SPATA6: variants seen among roughly 807,000 people sequenced by gnomAD.
The protein encoded by SPATA6 is spermatogenesis-associated protein 6.
SPATA6 carries 56 observed loss-of-function variants against 65.3 expected under a neutral mutation model. The ratio of observed to expected loss-of-function variants is 0.86; its 90% confidence interval spans 0.69 to 1.07. The LOEUF (loss-of-function observed/expected upper bound fraction) is 1.07. SPATA6 is among the 50% of genes least tolerant of loss of function. The pLI, the probability that SPATA6 is intolerant of heterozygous loss-of-function variation, is 0.00. For synonymous variants in SPATA6, 199 were observed against 213.2 expected (o/e 0.93, Z 0.58); for missense variants, 590 against 594.8 (o/e 0.99, Z 0.08).
rs1647252411 is a variant in SPATA6, at chr1:48,371,270, T to TAGATAG, written c.910-11501_910-11500insCTATCT. ...TATCCATTCATTGAATATGTATCTA[T>TAGATAG]ATAGATAGATAGATAGATAGATAGA... On this transcript the variant is annotated intron_variant, in intron 9 of 12. Coordinates refer to ENST00000371847, the MANE Select transcript of SPATA6 (RefSeq NM_019073.4). 3.1e-3 allele frequency among the ~76,000 whole-genome samples: 414 copies of TAGATAG among 131,712 alleles called. 1 individual carries two copies. The highest frequency in any genetic ancestry group is 4.2e-3 in the East Asian group (18 of 4,268). 86.4% of individuals were successfully genotyped at this position (131,712 alleles called of 152,430 possible). A position where few individuals can be genotyped will look rare whatever the true frequency, so the allele number is the denominator to read the frequency against.
intron 1 of SPATA6, among the ~76,000 whole-genome samples, chr1:48,461,534 T>A (rs1182765792): frequency 6.6e-6 from 1 of 152,204 alleles, no homozygotes; most frequent in Admixed American, 6.5e-5. Context: ...AAGGAAGGGA[T>A]CCAGTTTCAG....
chr1:48,323,785 C>G (rs1461228138), intron 11 of SPATA6, among the ~76,000 whole-genome samples: 1 of 152,040 alleles, frequency 6.6e-6, no homozygotes, highest in Non-Finnish European at 1.5e-5. Flanking sequence ...ACACGTAAAA[C>G]TTACCAAGAT....
intron 11 of SPATA6, among the ~76,000 whole-genome samples, chr1:48,339,633 C>T (rs1371820653): frequency 3.3e-5 from 5 of 151,676 alleles, no homozygotes; most frequent in Non-Finnish European, 7.4e-5. Context: ...AATCAATTAC[C>T]TAATATAATA....
rs540456210 is a variant in SPATA6, at chr1:48,463,856, C to T, written c.51+8102G>A. Among the ~76,000 whole-genome samples the T allele has an allele frequency of 2.0e-5, 3 of 152,006 alleles. No homozygotes were observed. The South Asian group carries it at 6.2e-4, about 32-fold the overall frequency. On this transcript the variant is annotated intron_variant, in intron 1 of 12. Coordinates refer to ENST00000371847, the MANE Select transcript of SPATA6 (RefSeq NM_019073.4). ...AAAAGATCCTAAATAAAAAATTAGC[C>T]AACCAAATCCAGCAAAATAGAGTAA...
At chr1:48,470,114 G>A (rs1446337959) in intron 1 of SPATA6, among the ~76,000 whole-genome samples, 1 of 152,098 alleles carries the variant, frequency 6.6e-6, no homozygotes, top group Non-Finnish European at 1.5e-5. Context: ...ACAAAGCTCC[G>A]TTATACAGTG....
At chr1:48,318,434 T>A (rs1464587759) in intron 11 of SPATA6, among the ~76,000 whole-genome samples, 1 of 152,168 alleles carries the variant, frequency 6.6e-6, no homozygotes, top group East Asian at 1.9e-4. Context: ...GATTTCAGGA[T>A]TTAAGATTAA....
chr1:48,455,595 C>T (rs1014826177), intron 1 of SPATA6, among the ~76,000 whole-genome samples: 13 of 151,972 alleles, frequency 8.6e-5, no homozygotes, highest in South Asian at 4.2e-4. Context: ...TTAGCCAGGA[C>T]GGTCTCAATC....
chr1:48,462,068 A>G (rs1189181747), intron 1 of SPATA6, among the ~76,000 whole-genome samples: 4 of 152,152 alleles, frequency 2.6e-5, no homozygotes, highest in African/African-American at 9.7e-5. Context: ...ATTGGAAATC[A>G]TCATTCTCAG....
In SPATA6 at chr1:48,299,516, G is replaced by GAAAAAAAAAAAAAAAAAAAAA. The variant is rs58072004; in HGVS notation, c.1287-644_1287-624dup. On this transcript the variant is annotated intron_variant, in intron 12 of 12. Transcript: ENST00000371847. ...ACAACAAGAGCAAAACTCCGTCTCG[G>GAAAAAAAAAAAAAAAAAAAAA]AAAAAAAAAAAAAAAAAAAAAGAAT... Among the ~76,000 whole-genome samples the GAAAAAAAAAAAAAAAAAAAAA allele has an allele frequency of 1.1e-3, 41 of 38,198 alleles. 6 individuals are homozygous for GAAAAAAAAAAAAAAAAAAAAA. Among genetic ancestry groups the GAAAAAAAAAAAAAAAAAAAAA allele is most frequent in the Non-Finnish European group, 1.5e-3 (31 of 21,048 alleles). 25.1% of individuals were successfully genotyped at this position (38,198 alleles called of 152,430 possible).
At chr1:48,265,165 T>A in the SPATA6 span, among the ~76,000 whole-genome samples, 1 of 152,194 alleles carries the variant, frequency 6.6e-6, no homozygotes, top group Admixed American at 6.5e-5. Flanking sequence ...TTCCTTCATA[T>A]ATTTACTTAT....
Position 48,403,544 on chromosome 1 carries a change from A to G in SPATA6, c.486+258T>C, listed in dbSNP as rs752981896. Among the ~76,000 whole-genome samples the G allele has an allele frequency of 1.1e-4, 17 of 152,306 alleles. 1 individual carries two copies. The Middle Eastern group carries it at 0.01, about 91-fold the overall frequency. On this transcript the variant is annotated intron_variant, in intron 6 of 12. Coordinates refer to ENST00000371847, the MANE Select transcript of SPATA6 (RefSeq NM_019073.4). ...GCTTGATTTCTGTGCGCTAAAATCA[A>G]AAAGTCCAAGAAGTAAAAAAATAGT...
At chr1:48,313,331 C>A (rs1645285685) in intron 11 of SPATA6, among the ~76,000 whole-genome samples, 1 of 152,190 alleles carries the variant, frequency 6.6e-6, no homozygotes, top group Admixed American at 6.5e-5. Context: ...GCCCATCAGA[C>A]TAACAGCTGA....
At chr1:48,261,568 G>C in the SPATA6 span, among the ~76,000 whole-genome samples, 1 of 151,738 alleles carries the variant, frequency 6.6e-6, no homozygotes, top group Non-Finnish European at 1.5e-5. Context: ...TTCATCTCTC[G>C]ACTTTACCTA....
intron 3 of SPATA6, among the ~76,000 whole-genome samples, chr1:48,429,768 A>G (rs1439992554): frequency 6.6e-6 from 1 of 152,166 alleles, no homozygotes; most frequent in African/African-American, 2.4e-5. Context: ...CAATGTATGA[A>G]CAAAATGGAA....
At chr1:48,416,290 T>C (rs142507059) in intron 3 of SPATA6, among the ~76,000 whole-genome samples, 112 of 152,170 alleles carry the variant, frequency 7.4e-4, no homozygotes, top group Non-Finnish European at 1.4e-3. Context: ...AAGAAATACA[T>C]CTGACTTGTC....
At chr1:48,429,717 T>C (rs1654227244) in intron 3 of SPATA6, among the ~76,000 whole-genome samples, 1 of 151,884 alleles carries the variant, frequency 6.6e-6, no homozygotes, top group Admixed American at 6.6e-5. Context: ...GTCAAAGAGA[T>C]GCTCAAAAAG....
At chr1:48,399,103 G>A (rs1038820319) in intron 7 of SPATA6, 37 of 419,236 alleles carry the variant, frequency 8.8e-5, no homozygotes, top group African/African-American at 7.1e-4. Flanking sequence ...GTATAAGAAA[G>A]GAAACCGGTA....
chr1:48,288,656 G>A, the SPATA6 span, among the ~76,000 whole-genome samples: 1 of 152,192 alleles, frequency 6.6e-6, no homozygotes, highest in Non-Finnish European at 1.5e-5. Flanking sequence ...CTAAGACTGT[G>A]CTTTTCCAAT....
chr1:48,429,461 C>T (rs1016629579), intron 3 of SPATA6, among the ~76,000 whole-genome samples: 1 of 151,900 alleles, frequency 6.6e-6, no homozygotes, highest in Non-Finnish European at 1.5e-5. Flanking sequence ...CAGCCCATAA[C>T]AATGAAAAAA....
Sources: gnomAD v4.1 joint callset for allele counts (sites outside exome capture counted in the v4.1 genomes callset) on GRCh38, gnomAD v4.1.1 for gene constraint, MANE v1.5 for transcripts, NCBI Gene and HGNC (gene_info 2026-07-23, HGNC 2026-07-21) for gene names.